The following ZC3H13 variants were observed in gnomAD, a reference collection of about 807,000 sequenced individuals.
ZC3H13 encodes zinc finger CCCH-type containing 13.
Under a neutral mutation model 204.1 loss-of-function variants are expected in ZC3H13, and 64 were observed. The observed-to-expected ratio is 0.31, with a 90% CI of 0.26 to 0.39. The LOEUF (loss-of-function observed/expected upper bound fraction) is 0.39. ZC3H13 is among the 10% of genes least tolerant of loss of function. ZC3H13 has a pLI of 1.00. For missense variants in ZC3H13, 1,833 were observed against 2,082.7 expected (o/e 0.88, Z 2.33); for synonymous variants, 667 against 693.7 (o/e 0.96, Z 0.60).
intron 4 of ZC3H13, among the ~76,000 whole-genome samples, chr13:46,031,019 T>C (rs1253411293): frequency 6.6e-6 from 1 of 152,094 alleles, no homozygotes; most frequent in Non-Finnish European, 1.5e-5. Context: ...CTACCTGACT[T>C]CAACACTTCC....
chr13:45,971,148 A>C (rs1952550112), intron 12 of ZC3H13, among the ~76,000 whole-genome samples: 1 of 152,190 alleles, frequency 6.6e-6, no homozygotes, highest in South Asian at 2.1e-4. Flanking sequence ...TAATAAAATA[A>C]TTCATACGTT....
intron 4 of ZC3H13, among the ~76,000 whole-genome samples, chr13:46,031,106 C>A (rs1253310686): frequency 6.6e-6 from 1 of 151,982 alleles, no homozygotes; most frequent in Non-Finnish European, 1.5e-5. Flanking sequence ...ATAATAAGAG[C>A]CCAGAAATAG....
chr13:46,040,460 TAAATATAAGAGCTAAAACCAGA>T (rs1180428037), intron 4 of ZC3H13, among the ~76,000 whole-genome samples: 2 of 152,074 alleles, frequency 1.3e-5, no homozygotes, highest in Admixed American at 1.3e-4. Context: ...ATCAAAGGCT[TAAATATAAGAGCTAAAACCAGA>T]AAATGCTTCA....
chr13:46,028,096 A>T (rs1200078441), intron 4 of ZC3H13, among the ~76,000 whole-genome samples: 1 of 152,186 alleles, frequency 6.6e-6, no homozygotes, highest in Non-Finnish European at 1.5e-5. Flanking sequence ...CCCACATATA[A>T]ACACATATAT....
intron 15 of ZC3H13, 109 bp downstream of exon 15, chr13:45,967,395 T>G (rs1053135680): frequency 1.6e-6 from 2 of 1,226,816 alleles, no homozygotes; most frequent in Middle Eastern, 2.9e-4. Context: ...GAATGGAGAA[T>G]GGAGTCAATT....
chr13:46,023,578 CCTGA>C (rs995534472), intron 4 of ZC3H13, among the ~76,000 whole-genome samples: 8 of 152,032 alleles, frequency 5.3e-5, no homozygotes, highest in African/African-American at 1.9e-4. Context: ...TTCCAACTCC[CCTGA>C]CTTAGAATTG....
In ZC3H13 at chr13:45,955,307, G is replaced by T. The variant is rs552957827; in HGVS notation, c.*1820C>A. 1 of 152,234 alleles carries T rather than the reference G, an allele frequency of 6.6e-6. No homozygotes were observed. The highest frequency in any genetic ancestry group is 1.5e-5 in the Non-Finnish European group (1 of 67,994). 9.4% of individuals were successfully genotyped at this position (152,234 alleles called of 1,614,324 possible). On this transcript the variant is annotated 3_prime_UTR_variant, in exon 19 of 19. Coordinates refer to ENST00000679008, the MANE Select transcript of ZC3H13 (RefSeq NM_001330564.2). ...GAGAATGGTTGAATTAAAAGAAATT[G>T]AGACTGAACAGTACATTTCCACTGG... is the stretch of plus-strand genomic sequence containing the variant.
At chr13:46,043,444 A>C (rs2043726727) in intron 3 of ZC3H13, among the ~76,000 whole-genome samples, 1 of 151,964 alleles carries the variant, frequency 6.6e-6, no homozygotes, top group African/African-American at 2.4e-5. Context: ...AATGATGTAC[A>C]TGTAAATCCT....
chr13:46,034,033 A>G lies in ZC3H13; in HGVS notation c.339+8131T>C, dbSNP rs554186197. 9.8e-5 allele frequency among the ~76,000 whole-genome samples: 15 copies of G among 152,306 alleles called. No individual in the cohort carries two copies. The South Asian group carries it at 2.1e-3, about 21-fold the overall frequency. ...CAATTAGCCAATAAAAGATATACAT[A>G]AGATCAGAAACAGCCAATAAACATA... On this transcript the variant is annotated intron_variant, in intron 4 of 18. Coordinates refer to ENST00000679008, the MANE Select transcript of ZC3H13 (RefSeq NM_001330564.2).
At chr13:46,010,546 C>A (rs774092374) in intron 6 of ZC3H13, 41 bp from the exon 7 acceptor site, 1 of 1,580,310 alleles carries the variant, frequency 6.3e-7, no homozygotes, top group Non-Finnish European at 8.7e-7. Flanking sequence ...AATTCCTCCA[C>A]TTATGGTACA....
At chr13:46,003,631 T>TTA (rs2040911167) in intron 7 of ZC3H13, among the ~76,000 whole-genome samples, 2 of 152,074 alleles carry the variant, frequency 1.3e-5, no homozygotes, top group African/African-American at 2.4e-5. Context: ...ATACAATGAC[T>TTA]GTTTAAACTG....
Position 45,975,408 on chromosome 13 carries a change from A to G in ZC3H13, c.2343T>C (p.Asp781=). The G allele has an allele frequency of 3.7e-6, 6 of 1,613,140 alleles. No homozygotes were observed. Among genetic ancestry groups the G allele is most frequent in the Non-Finnish European group, 5.1e-6 (6 of 1,179,788 alleles). Residue 781 remains aspartate, a synonymous_variant, in exon 12 of 19, where the codon GAT becomes GAC. Coordinates refer to ENST00000679008, the MANE Select transcript of ZC3H13 (RefSeq NM_001330564.2). Reference sequence around the variant, plus strand: ...AATCCCTTTGGCGTTCTCGTTCTTTATCCCTTTCTCTCGCTCTTTCTCGTT... The same window carrying G: ...AATCCCTTTGGCGTTCTCGTTCTTTGTCCCTTTCTCTCGCTCTTTCTCGTT... ...ERERERARER[D]KERERQRDWE...
chr13:46,029,465 G>A (rs2042743565), intron 4 of ZC3H13, among the ~76,000 whole-genome samples: 1 of 134,616 alleles, frequency 7.4e-6, no homozygotes, highest in Non-Finnish European at 1.5e-5. Flanking sequence ...GTCTCGCTCT[G>A]TCGCCCAGGC....
At chr13:46,037,181 T>C in intron 4 of ZC3H13, among the ~76,000 whole-genome samples, 1 of 152,126 alleles carries the variant, frequency 6.6e-6, no homozygotes, top group East Asian at 1.9e-4. Flanking sequence ...ATCAAAAAAT[T>C]GTTAAAATAG....
rs374911102 is a variant in ZC3H13 at position 45,988,889 on chromosome 13, T to C, written c.1153A>G (p.Lys385Glu). ...GAGCGATGTCTTGGAGGACTCTGCT[T>C]TCTCTGGGGAGACGACAAAGAATGT... Reference protein sequence around the residue: ...PSHSLSSPQRKQSPPRHRSPM... With the variant: ...PSHSLSSPQREQSPPRHRSPM... The change falls in exon 9 of 19, where the codon AAG (lysine) becomes GAG (glutamate). Residue 385 changes from lysine to glutamate, a missense_variant. Physicochemically the swap from Lys to Glu is moderately conservative, Grantham distance 56. Around this residue, in one of 5 missense-constraint regions of ZC3H13, gnomAD observed 1,574 missense variants for 1,757.2 expected, o/e 0.90. Transcript: ENST00000679008. The C allele has an allele frequency of 2.9e-5, 47 of 1,614,090 alleles. No homozygotes were observed. Among genetic ancestry groups the C allele is most frequent in the Non-Finnish European group, 4.0e-5 (47 of 1,180,042 alleles).
intron 5 of ZC3H13, among the ~76,000 whole-genome samples, chr13:46,017,133 C>T (rs2041957102): frequency 6.6e-6 from 1 of 152,008 alleles, no homozygotes; most frequent in Admixed American, 6.6e-5. Flanking sequence ...GCACTGGGTG[C>T]ATGATTTCAT....
At chr13:46,025,462 G>A (rs768086214) in intron 4 of ZC3H13, among the ~76,000 whole-genome samples, 27 of 151,820 alleles carry the variant, frequency 1.8e-4, no homozygotes, top group Non-Finnish European at 3.1e-4. Flanking sequence ...ATACCACTAC[G>A]CCCAGCTAAT....
chr13:46,013,684 T>A (rs2041726130), intron 5 of ZC3H13, among the ~76,000 whole-genome samples: 1 of 152,152 alleles, frequency 6.6e-6, no homozygotes. Context: ...GTTAATAAAT[T>A]TAGAAAATGT....
intron 1 of ZC3H13, among the ~76,000 whole-genome samples, 185 bp from the exon 2 acceptor site, chr13:46,045,701 A>T (rs997790581): frequency 6.6e-6 from 1 of 152,148 alleles, no homozygotes; most frequent in Non-Finnish European, 1.5e-5. Flanking sequence ...CTTCTAAAAC[A>T]TGCCTTACTG....
Sources: allele counts gnomAD v4.1 joint callset (sites outside exome capture counted in the v4.1 genomes callset), GRCh38; gene constraint gnomAD v4.1.1; regional missense constraint gnomAD v4.1.1; transcripts MANE v1.5; gene names NCBI Gene and HGNC (gene_info 2026-07-23, HGNC 2026-07-21).